The following SEMA5A variants were observed in gnomAD, a reference collection of about 807,000 sequenced individuals.
SEMA5A encodes semaphorin-5A.
A neutral mutation model predicts 135.5 loss-of-function variants in SEMA5A; 55 were observed. The ratio of observed to expected loss-of-function variants is 0.41; its 90% CI spans 0.33 to 0.51. SEMA5A has a LOEUF of 0.51. Among genes scored for constraint, SEMA5A ranks in the 20% least tolerant of loss-of-function variants. The probability of loss-of-function intolerance (pLI) is 0.37; values close to 1 mark genes in which losing one functional copy is unlikely to be tolerated. For synonymous variants in SEMA5A, 580 were observed against 546.5 expected, an observed-to-expected ratio of 1.06 and a Z score of -0.85; for missense variants, 1,290 against 1,419.9, an observed-to-expected ratio of 0.91 and a Z score of 1.47.
At chr5:9,413,303 A>T (rs1757168514) in intron 2 of SEMA5A, among the ~76,000 whole-genome samples, 1 of 152,230 alleles carries the variant, frequency 6.6e-6, no homozygotes, top group South Asian at 2.1e-4. Context: ...TACACTAGAT[A>T]TATATGGCAT....
chr5:9,329,479 G>A (rs1467209075), intron 4 of SEMA5A, among the ~76,000 whole-genome samples: 1 of 152,214 alleles, frequency 6.6e-6, no homozygotes, highest in Admixed American at 6.5e-5. Flanking sequence ...AGGTAGAGAA[G>A]ATGCTTCATC....
intron 5 of SEMA5A, among the ~76,000 whole-genome samples, chr5:9,298,706 A>G (rs1329231884): frequency 4.6e-5 from 7 of 152,246 alleles, no homozygotes; most frequent in Non-Finnish European, 8.8e-5. Context: ...AGTTTTGAAT[A>G]AGGAGTTTGA....
At chr5:9,313,475 GT>G (rs1561136300) in intron 5 of SEMA5A, among the ~76,000 whole-genome samples, 1 of 152,136 alleles carries the variant, frequency 6.6e-6, no homozygotes, top group Non-Finnish European at 1.5e-5. Flanking sequence ...GTTTAAAAAG[GT>G]TAGGGAAGAG....
chr5:9,418,687 C>T (rs1450245310), intron 2 of SEMA5A, among the ~76,000 whole-genome samples: 1 of 152,120 alleles, frequency 6.6e-6, no homozygotes, highest in Non-Finnish European at 1.5e-5. Context: ...AACAGGAACT[C>T]TGACATATAT....
chr5:9,187,265 G>C (rs1045513043), intron 11 of SEMA5A, among the ~76,000 whole-genome samples: 1 of 151,872 alleles, frequency 6.6e-6, no homozygotes, highest in African/African-American at 2.4e-5. Flanking sequence ...CTGAAAAAAA[G>C]ACTATATCTC....
chr5:9,402,841 TCTC>T (rs1220810371), intron 2 of SEMA5A, among the ~76,000 whole-genome samples: 3 of 152,122 alleles, frequency 2.0e-5, no homozygotes, highest in African/African-American at 2.4e-5. Flanking sequence ...CTGGCTCTGT[TCTC>T]CTTTTTCTCT....
chr5:9,314,674 C>T (rs1752313609), intron 5 of SEMA5A, among the ~76,000 whole-genome samples: 2 of 151,992 alleles, frequency 1.3e-5, no homozygotes, highest in Admixed American at 1.3e-4. Flanking sequence ...ACCAACAAGG[C>T]CTCTTTGCTG....
At chr5:9,179,774 A>T (rs538643630) in intron 11 of SEMA5A, among the ~76,000 whole-genome samples, 3 of 152,324 alleles carry the variant, frequency 2.0e-5, no homozygotes, top group Admixed American at 2.0e-4. Context: ...TTCAGGGAGT[A>T]GGAGAAGACC....
At chr5:9,281,250 A>G (rs978534949) in intron 5 of SEMA5A, among the ~76,000 whole-genome samples, 1 of 152,210 alleles carries the variant, frequency 6.6e-6, no homozygotes, top group African/African-American at 2.4e-5. Flanking sequence ...TTTCTCTTCT[A>G]TAATGTAAAT....
At chr5:9,461,905 C>G (rs979165646) in intron 1 of SEMA5A, among the ~76,000 whole-genome samples, 1 of 152,216 alleles carries the variant, frequency 6.6e-6, no homozygotes, top group Non-Finnish European at 1.5e-5. Context: ...GACTTCCACT[C>G]TGTCCTATAA....
In SEMA5A at chr5:9,037,261, C is replaced by G. The variant is rs1735701668; in HGVS notation, c.*5636G>C. ...TTGCTTGAGCAAGAATTGATATTGA[C>G]TCCGATTGCAGGGAGTAAGCTTGAT... On this transcript the variant is annotated 3_prime_UTR_variant, in exon 23 of 23. Coordinates refer to ENST00000382496, the MANE Select transcript of SEMA5A (RefSeq NM_003966.3). The G allele has an allele frequency of 6.6e-6, 1 of 152,190 alleles. No homozygotes were observed. Among genetic ancestry groups the G allele is most frequent in the Admixed American group, 6.5e-5 (1 of 15,278 alleles). The allele number at this position is 152,190 out of a possible 1,614,324, so 9.4% of individuals were successfully genotyped here. A position where few individuals can be genotyped will look rare whatever the true frequency, so the allele number is the denominator to read the frequency against.
chr5:9,352,822 C>CAT (rs1754187040), intron 3 of SEMA5A, among the ~76,000 whole-genome samples: 1 of 152,074 alleles, frequency 6.6e-6, no homozygotes, highest in African/African-American at 2.4e-5. Flanking sequence ...CCATTGTTTA[C>CAT]ATATGTTCTA....
intron 15 of SEMA5A, among the ~76,000 whole-genome samples, chr5:9,114,287 G>C (rs896374781): frequency 1.3e-5 from 2 of 152,214 alleles, no homozygotes; most frequent in Admixed American, 1.3e-4. Context: ...GAGGTTATCA[G>C]GGGTTGGGAG....
chr5:9,124,534 G>A (rs1288785285), intron 13 of SEMA5A, among the ~76,000 whole-genome samples: 1 of 152,112 alleles, frequency 6.6e-6, no homozygotes, highest in Non-Finnish European at 1.5e-5. Context: ...TTGGCTCACT[G>A]CAACCTCCAC....
intron 16 of SEMA5A, among the ~76,000 whole-genome samples, chr5:9,075,219 T>G (rs78271112): frequency 0.099 from 15,148 of 152,296 alleles, 890 homozygotes; most frequent in African/African-American, 0.14. Flanking sequence ...TCTCATACAC[T>G]GCTGATAGCA....
chr5:9,134,478 C>A (rs893827028), intron 13 of SEMA5A, among the ~76,000 whole-genome samples: 1 of 152,160 alleles, frequency 6.6e-6, no homozygotes, highest in African/African-American at 2.4e-5. Flanking sequence ...AAGACATATA[C>A]AATACATACA....
chr5:9,399,421 G>A (rs1198833873), intron 2 of SEMA5A, among the ~76,000 whole-genome samples: 1 of 152,220 alleles, frequency 6.6e-6, no homozygotes, highest in South Asian at 2.1e-4. Flanking sequence ...ATGCAAATCC[G>A]TAGAGACAGA....
At chr5:9,057,685 C>T (rs1736965369) in intron 18 of SEMA5A, among the ~76,000 whole-genome samples, 1 of 152,220 alleles carries the variant, frequency 6.6e-6, no homozygotes, top group South Asian at 2.1e-4. Context: ...CTACCAATTT[C>T]AGCAGTCAAA....
At chr5:9,112,768 A>G (rs1486099371) in intron 15 of SEMA5A, among the ~76,000 whole-genome samples, 1 of 152,216 alleles carries the variant, frequency 6.6e-6, no homozygotes, top group Non-Finnish European at 1.5e-5. Context: ...CTCCTATTGA[A>G]TATGAATGGG....
Sources: gnomAD v4.1 joint callset for allele counts (sites outside exome capture counted in the v4.1 genomes callset) on GRCh38, gnomAD v4.1.1 for gene constraint, MANE v1.5 for transcripts, NCBI Gene and HGNC (gene_info 2026-07-23, HGNC 2026-07-21) for gene names.